TNRC6B: variants seen among roughly 807,000 people sequenced by gnomAD.
The protein encoded by TNRC6B is trinucleotide repeat-containing gene 6B protein.
TNRC6B carries 52 observed loss-of-function variants against 203.6 expected under a neutral mutation model. The observed-to-expected ratio is 0.26, with a 90% CI of 0.20 to 0.32. TNRC6B has a LOEUF of 0.32. TNRC6B is among the 10% of genes least tolerant of loss of function. The probability of loss-of-function intolerance (pLI) is 1.00; values close to 1 mark genes in which losing one functional copy is unlikely to be tolerated. For synonymous variants in TNRC6B, 838 were observed against 845.7 expected, an observed-to-expected ratio of 0.99 and a Z score of 0.16; for missense variants, 1,923 against 2,286.2, an observed-to-expected ratio of 0.84 and a Z score of 3.24.
chr22:40,306,018 C>A (rs544761925), intron 15 of TNRC6B, among the ~76,000 whole-genome samples: 2 of 152,210 alleles, frequency 1.3e-5, no homozygotes, highest in Non-Finnish European at 2.9e-5. Flanking sequence ...ACTGGCTGGG[C>A]GCGGTGGCTC....
At chr22:40,083,182 A>G (rs1233175779) in intron 1 of TNRC6B, among the ~76,000 whole-genome samples, 5 of 152,212 alleles carry the variant, frequency 3.3e-5, no homozygotes. Context: ...GGAGTCAAAG[A>G]CATAGAAGGA....
chr22:40,140,783 G>T (rs182469105), intron 3 of TNRC6B, among the ~76,000 whole-genome samples: 211 of 152,132 alleles, frequency 1.4e-3, no homozygotes, highest in Non-Finnish European at 2.5e-3. Flanking sequence ...TGGGACTACA[G>T]GTGCATGCCA....
intron 1 of TNRC6B, among the ~76,000 whole-genome samples, chr22:40,092,702 G>A (rs924792291): frequency 3.9e-5 from 6 of 152,056 alleles, no homozygotes; most frequent in Non-Finnish European, 7.4e-5. Flanking sequence ...TAGGGGCAAG[G>A]TCTTGCTCTG....
intron 1 of TNRC6B, among the ~76,000 whole-genome samples, chr22:40,237,580 GTGTC>G (rs898665954): frequency 2.6e-5 from 4 of 152,270 alleles, no homozygotes; most frequent in African/African-American, 9.6e-5. Flanking sequence ...GTGTGGGTGT[GTGTC>G]TGGGGAGGCT....
intron 3 of TNRC6B, among the ~76,000 whole-genome samples, chr22:40,130,680 G>C (rs1479998410): frequency 7.4e-6 from 1 of 135,202 alleles, no homozygotes; most frequent in African/African-American, 3.8e-5. Flanking sequence ...CCCCGCGGGA[G>C]GCTGAGGCAG....
At chr22:40,284,547 A>T (rs2146526961) in intron 11 of TNRC6B, among the ~76,000 whole-genome samples, 1 of 152,342 alleles carries the variant, frequency 6.6e-6, no homozygotes, top group Non-Finnish European at 1.5e-5. Flanking sequence ...ATGGATATTT[A>T]CAGATGATAT....
chr22:40,078,699 T>G (rs1443037790), intron 1 of TNRC6B, among the ~76,000 whole-genome samples: 4 of 151,906 alleles, frequency 2.6e-5, no homozygotes, highest in African/African-American at 9.7e-5. Context: ...TTCAAGTGAT[T>G]CCCGTGCCTC....
At chr22:40,321,791 G>GA (rs1038184831) in intron 22 of TNRC6B, 1 of 152,232 alleles carries the variant, frequency 6.6e-6, no homozygotes, top group Non-Finnish European at 1.5e-5. Context: ...TCTCAAAAAA[G>GA]AAAAAAAACA....
At chr22:40,070,458 CT>C (rs1297313516) in intron 1 of TNRC6B, among the ~76,000 whole-genome samples, 2 of 152,106 alleles carry the variant, frequency 1.3e-5, no homozygotes, top group African/African-American at 4.8e-5. Flanking sequence ...GCTTTTTTAA[CT>C]TTGTCTTCAC....
chr22:40,282,140 T>C (rs1351296069), intron 11 of TNRC6B, among the ~76,000 whole-genome samples: 1 of 152,256 alleles, frequency 6.6e-6, no homozygotes, highest in Non-Finnish European at 1.5e-5. Context: ...ACGTTAATTA[T>C]ACAACTTGTA....
At chr22:40,092,229 C>T (rs925762868) in intron 1 of TNRC6B, among the ~76,000 whole-genome samples, 2 of 151,820 alleles carry the variant, frequency 1.3e-5, no homozygotes, top group Non-Finnish European at 2.9e-5. Flanking sequence ...ATGGAGAAAC[C>T]CCATCTCTAC....
intron 1 of TNRC6B, among the ~76,000 whole-genome samples, chr22:40,224,311 C>T (rs185766667): frequency 6.6e-6 from 1 of 152,156 alleles, no homozygotes; most frequent in Non-Finnish European, 1.5e-5. Context: ...AGCCTGTCTT[C>T]GTATACTTTG....
chr22:40,189,477 G>A (rs1187883488), intron 1 of TNRC6B, among the ~76,000 whole-genome samples: 1 of 145,746 alleles, frequency 6.9e-6, no homozygotes, highest in African/African-American at 2.6e-5. Flanking sequence ...GTTTGTTGGG[G>A]TACTAATAGA....
intron 1 of TNRC6B, among the ~76,000 whole-genome samples, chr22:40,213,879 A>G (rs1367077291): frequency 2.6e-5 from 4 of 152,228 alleles, no homozygotes; most frequent in South Asian, 2.1e-4. Context: ...ACTCGGGTTC[A>G]TATGACAAAT....
intron 19 of TNRC6B, 85 bp from the exon 20 acceptor site, chr22:40,315,198 G>T: frequency 1.0e-6 from 1 of 997,628 alleles, no homozygotes; most frequent in Non-Finnish European, 1.5e-6. Context: ...ATGTATTTAT[G>T]TGTATGTAGA....
chr22:40,130,675 C>T (rs906909388), intron 3 of TNRC6B, among the ~76,000 whole-genome samples: 5 of 138,508 alleles, frequency 3.6e-5, no homozygotes, highest in African/African-American at 1.5e-4. Flanking sequence ...TAGTCCCCCG[C>T]GGGAGGCTGA....
chr22:40,186,288 A>C (rs935699553), intron 1 of TNRC6B, among the ~76,000 whole-genome samples: 2 of 152,166 alleles, frequency 1.3e-5, no homozygotes, highest in East Asian at 3.9e-4. Context: ...CAAATGCTGC[A>C]CAGGAAGAAA....
At chr22:40,239,017 A>T (rs1051905358) in intron 1 of TNRC6B, among the ~76,000 whole-genome samples, 4 of 152,130 alleles carry the variant, frequency 2.6e-5, no homozygotes, top group African/African-American at 9.7e-5. Context: ...AGGCCAGCCA[A>T]CATAGTGAGA....
At position 40,328,803 on chromosome 22, in the gene TNRC6B, A is replaced by G. The variant is rs2146590469; in HGVS notation, c.*5562A>G. On this transcript the variant is annotated 3_prime_UTR_variant, in exon 23 of 23. Coordinates refer to ENST00000454349, the MANE Select transcript of TNRC6B (RefSeq NM_001162501.2). ...TTGAGTCTTTATGTAGAAAAGATCCATTTTTTCCCCATCCTCAGAGTTAAA... is the reference window on the plus strand; with the variant it reads ...TTGAGTCTTTATGTAGAAAAGATCCGTTTTTTCCCCATCCTCAGAGTTAAA... 6.6e-6 allele frequency: 1 copy of G among 152,254 alleles called. No homozygotes were observed. Among genetic ancestry groups the G allele is most frequent in the South Asian group, 2.1e-4 (1 of 4,828 alleles). 9.4% of individuals were successfully genotyped at this position (152,254 alleles called of 1,614,324 possible). A position where few individuals can be genotyped will look rare whatever the true frequency, so the allele number is the denominator to read the frequency against.
Sources: gnomAD v4.1 joint callset for allele counts (sites outside exome capture counted in the v4.1 genomes callset) on GRCh38, gnomAD v4.1.1 for gene constraint, MANE v1.5 for transcripts, NCBI Gene and HGNC (gene_info 2026-07-23, HGNC 2026-07-21) for gene names.